Variants in SKAP2 observed in about 807,000 individuals in gnomAD.
The protein encoded by SKAP2 is src kinase-associated phosphoprotein 2.
SKAP2 carries 28 observed loss-of-function variants against 54.9 expected under a neutral mutation model. The observed-to-expected ratio is 0.51, with a 90% CI of 0.38 to 0.70. SKAP2 has a LOEUF of 0.70. Among genes scored for constraint, SKAP2 ranks in the 30% least tolerant of loss-of-function variants. SKAP2 has a pLI of 0.00. For missense variants in SKAP2, 356 were observed against 424.1 expected, an observed-to-expected ratio of 0.84 and a Z score of 1.41; for synonymous variants, 137 against 134.3, an observed-to-expected ratio of 1.02 and a Z score of -0.14.
intron 4 of SKAP2, among the ~76,000 whole-genome samples, chr7:26,765,788 G>A (rs1169968734): frequency 3.9e-5 from 6 of 152,250 alleles, no homozygotes; most frequent in Non-Finnish European, 8.8e-5. Flanking sequence ...TAGATGTGTG[G>A]TGTTATTTCT....
chr7:26,769,158 T>G (rs1356281967), intron 4 of SKAP2, among the ~76,000 whole-genome samples: 5 of 152,172 alleles, frequency 3.3e-5, no homozygotes, highest in Non-Finnish European at 7.4e-5. Flanking sequence ...TTCCTTTTCA[T>G]TCTTTTTTTC....
chr7:26,657,436 T>C, the SKAP2 span, among the ~76,000 whole-genome samples: 2 of 152,168 alleles, frequency 1.3e-5, no homozygotes, highest in African/African-American at 2.4e-5. Context: ...AGGCTTCTCA[T>C]TATAGCATCA....
At chr7:26,857,012 G>T (rs1785176869) in intron 1 of SKAP2, among the ~76,000 whole-genome samples, 1 of 150,438 alleles carries the variant, frequency 6.6e-6, no homozygotes, top group Non-Finnish European at 1.5e-5. Context: ...TCTACATAGT[G>T]CCCTCTAACG....
At chr7:26,690,912 T>C (rs1222312916) in intron 9 of SKAP2, among the ~76,000 whole-genome samples, 1 of 152,210 alleles carries the variant, frequency 6.6e-6, no homozygotes, top group Non-Finnish European at 1.5e-5. Context: ...TCACATAATT[T>C]CATACGTTTT....
chr7:26,862,807 C>T (rs1223101649), intron 1 of SKAP2, among the ~76,000 whole-genome samples: 3 of 152,050 alleles, frequency 2.0e-5, no homozygotes, highest in Non-Finnish European at 2.9e-5. Context: ...TTAAAACATG[C>T]ACCCAGAGGT....
At chr7:26,852,697 A>C (rs1030614355) in intron 3 of SKAP2, among the ~76,000 whole-genome samples, 1 of 152,188 alleles carries the variant, frequency 6.6e-6, no homozygotes, top group African/African-American at 2.4e-5. Context: ...ACAAAATACC[A>C]AAGGGAAAGC....
intron 6 of SKAP2, among the ~76,000 whole-genome samples, chr7:26,732,304 G>A (rs1787838896): frequency 6.6e-6 from 1 of 152,156 alleles, no homozygotes; most frequent in Non-Finnish European, 1.5e-5. Flanking sequence ...GGCTTGGCAA[G>A]GCCCAAGCCA....
chr7:26,656,837 C>T, the SKAP2 span, among the ~76,000 whole-genome samples: 1 of 151,044 alleles, frequency 6.6e-6, no homozygotes, highest in Admixed American at 6.6e-5. Context: ...TCTCCGGCCC[C>T]AGTGCAAAAA....
intron 4 of SKAP2, among the ~76,000 whole-genome samples, chr7:26,763,516 A>G (rs1055327298): frequency 1.3e-5 from 2 of 152,176 alleles, no homozygotes; most frequent in Non-Finnish European, 2.9e-5. Flanking sequence ...CCACTGTCAC[A>G]TGACTGTTTT....
At chr7:26,715,250 G>A (rs953531119) in intron 9 of SKAP2, among the ~76,000 whole-genome samples, 2 of 151,892 alleles carry the variant, frequency 1.3e-5, no homozygotes, top group African/African-American at 4.8e-5. Context: ...GTAAACATAT[G>A]TATGTGACTC....
intron 4 of SKAP2, among the ~76,000 whole-genome samples, chr7:26,821,937 T>G (rs1488215823): frequency 6.6e-6 from 1 of 152,214 alleles, no homozygotes; most frequent in Admixed American, 6.5e-5. Flanking sequence ...TGTCATTTGA[T>G]CCATTCCTTA....
At chr7:26,851,037 C>A (rs1033469769) in intron 3 of SKAP2, among the ~76,000 whole-genome samples, 2 of 151,758 alleles carry the variant, frequency 1.3e-5, no homozygotes, top group Non-Finnish European at 2.9e-5. Context: ...ACTATTCTCA[C>A]CCAAAAAAAT....
At chr7:26,696,750 G>T (rs907475566) in intron 9 of SKAP2, among the ~76,000 whole-genome samples, 3 of 152,090 alleles carry the variant, frequency 2.0e-5, no homozygotes, top group African/African-American at 7.2e-5. Context: ...CCATTGGATT[G>T]TAGTAAATTT....
At chr7:26,784,345 C>G (rs1252253613) in intron 4 of SKAP2, among the ~76,000 whole-genome samples, 1 of 152,078 alleles carries the variant, frequency 6.6e-6, no homozygotes. Context: ...TCATTCAGAC[C>G]TAAGTTGATG....
In SKAP2 at chr7:26,668,503, C is replaced by T. The variant is rs776726387; in HGVS notation, c.*1163G>A. The T allele has an allele frequency of 7.2e-5, 11 of 152,190 alleles. No homozygotes were observed. The highest frequency in any genetic ancestry group is 1.6e-4 in the Non-Finnish European group (11 of 68,054). 9.4% of individuals were successfully genotyped at this position (152,190 alleles called of 1,614,324 possible). On this transcript the variant is annotated 3_prime_UTR_variant, in exon 13 of 13. Transcript: ENST00000345317. ...ATGCTACCACTGGGATTTCTACACT[C>T]TCCTCTGCAAACCCTTCCTTTCTTT...
chr7:26,842,427 T>C (rs1784835423), intron 4 of SKAP2, among the ~76,000 whole-genome samples: 3 of 151,802 alleles, frequency 2.0e-5, no homozygotes, highest in Non-Finnish European at 1.5e-5. Flanking sequence ...AATAATAATT[T>C]ACTTTTTCTA....
chr7:26,760,333 T>G (rs955496408), intron 4 of SKAP2, among the ~76,000 whole-genome samples: 1 of 152,178 alleles, frequency 6.6e-6, no homozygotes, highest in Non-Finnish European at 1.5e-5. Flanking sequence ...AAATGAAATC[T>G]TTTTAAAGGA....
chr7:26,799,639 A>G (rs1783867449), intron 4 of SKAP2, among the ~76,000 whole-genome samples: 1 of 152,230 alleles, frequency 6.6e-6, no homozygotes, highest in South Asian at 2.1e-4. Flanking sequence ...CACTTTCAGC[A>G]TCACTCACAT....
At chr7:26,849,219 GAGA>G (rs1274521587) in intron 3 of SKAP2, among the ~76,000 whole-genome samples, 1 of 152,180 alleles carries the variant, frequency 6.6e-6, no homozygotes. Context: ...CAGCATGAGT[GAGA>G]AGGTCAAAGG....
Sources: allele counts gnomAD v4.1 joint callset (sites outside exome capture counted in the v4.1 genomes callset), GRCh38; gene constraint gnomAD v4.1.1; transcripts MANE v1.5; gene names NCBI Gene and HGNC (gene_info 2026-07-23, HGNC 2026-07-21).